The following BMPR1B variants were observed in gnomAD, a reference collection of about 807,000 sequenced individuals.
BMPR1B encodes the protein bone morphogenetic protein receptor type 1B, also known as bone morphogenetic protein receptor type-1B.
BMPR1B carries 12 observed loss-of-function variants against 59.1 expected under a neutral mutation model. That is an observed-to-expected ratio of 0.20 (90% CI 0.13 to 0.33). The LOEUF is 0.33. Among genes scored for constraint, BMPR1B ranks in the 10% least tolerant of loss-of-function variants. The probability of loss-of-function intolerance (pLI) is 1.00; values close to 1 mark genes in which losing one functional copy is unlikely to be tolerated. For synonymous variants in BMPR1B, 237 were observed against 207.3 expected, an observed-to-expected ratio of 1.14 and a Z score of -1.23; for missense variants, 550 against 610.9, an observed-to-expected ratio of 0.90 and a Z score of 1.05.
chr4:95,119,740 G>A (rs998690895), intron 6 of BMPR1B, among the ~76,000 whole-genome samples: 1 of 151,966 alleles, frequency 6.6e-6, no homozygotes, highest in African/African-American at 2.4e-5. Flanking sequence ...TTAATATTTT[G>A]CAACTATTAC....
intron 1 of BMPR1B, among the ~76,000 whole-genome samples, chr4:94,873,937 G>A (rs1035838490): frequency 6.6e-6 from 1 of 151,906 alleles, no homozygotes; most frequent in Admixed American, 6.6e-5. Flanking sequence ...TTTTCTTCAC[G>A]TCCCTGGCAG....
At chr4:94,873,809 C>T (rs1278077832) in intron 1 of BMPR1B, among the ~76,000 whole-genome samples, 2 of 152,144 alleles carry the variant, frequency 1.3e-5, no homozygotes, top group African/African-American at 2.4e-5. Context: ...ACTATCTTAA[C>T]CATTTTTAAG....
chr4:95,003,746 C>T (rs1722616844), intron 3 of BMPR1B, among the ~76,000 whole-genome samples: 2 of 146,574 alleles, frequency 1.4e-5, no homozygotes, highest in Non-Finnish European at 1.5e-5. Context: ...GATAACCTCA[C>T]ATAGCTAATC....
chr4:95,040,308 C>G (rs1010282795), intron 3 of BMPR1B, among the ~76,000 whole-genome samples: 1 of 152,154 alleles, frequency 6.6e-6, no homozygotes, highest in Non-Finnish European at 1.5e-5. Flanking sequence ...AAGAGTGATA[C>G]TTTAAATCCT....
intron 1 of BMPR1B, among the ~76,000 whole-genome samples, chr4:94,778,301 AC>A (rs964837622): frequency 6.6e-6 from 1 of 152,136 alleles, no homozygotes; most frequent in Non-Finnish European, 1.5e-5. Flanking sequence ...TGTATACCTA[AC>A]CAGCATATTT....
intron 2 of BMPR1B, among the ~76,000 whole-genome samples, chr4:94,966,492 A>G (rs1730560235): frequency 6.6e-6 from 1 of 152,216 alleles, no homozygotes; most frequent in Non-Finnish European, 1.5e-5. Flanking sequence ...TTTTTGCTAT[A>G]AGAAAAAGAC....
intron 1 of BMPR1B, among the ~76,000 whole-genome samples, chr4:94,784,100 GAC>G (rs1222552467): frequency 1.3e-5 from 2 of 152,262 alleles, no homozygotes; most frequent in East Asian, 3.9e-4. Flanking sequence ...AATTTCCAGA[GAC>G]TTTAAGTGTT....
intron 1 of BMPR1B, among the ~76,000 whole-genome samples, chr4:94,865,111 G>A (rs1397326447): frequency 1.3e-5 from 2 of 151,660 alleles, no homozygotes; most frequent in Non-Finnish European, 2.9e-5. Flanking sequence ...CTGGGTTCAA[G>A]CAATTCTCCT....
chr4:94,863,993 G>A (rs1726104096), intron 1 of BMPR1B, among the ~76,000 whole-genome samples: 1 of 152,176 alleles, frequency 6.6e-6, no homozygotes, highest in South Asian at 2.1e-4. Context: ...TGGTAATGGG[G>A]TTAAAAGTAA....
In BMPR1B at chr4:94,860,001, G is replaced by C. The variant is rs1725915700; in HGVS notation, c.-182-15830G>C. Among the ~76,000 whole-genome samples the C allele has an allele frequency of 6.6e-5, 10 of 152,082 alleles. No homozygotes were observed. The South Asian group carries it at 2.1e-3, about 32-fold the overall frequency. ...TTTCATCAGTGACTTATTAAAACTT[G>C]TCCATTTGATTAGAAATTCTCCTTC... On this transcript the variant is annotated intron_variant, in intron 1 of 12. Transcript: ENST00000515059.
At chr4:95,051,204 A>G (rs1428233710) in intron 3 of BMPR1B, among the ~76,000 whole-genome samples, 1 of 152,232 alleles carries the variant, frequency 6.6e-6, no homozygotes, top group Non-Finnish European at 1.5e-5. Flanking sequence ...TATTTTTGGC[A>G]TTTCACTAAG....
At chr4:95,026,853 TG>T (rs1724457215) in intron 3 of BMPR1B, among the ~76,000 whole-genome samples, 1 of 151,696 alleles carries the variant, frequency 6.6e-6, no homozygotes, top group African/African-American at 2.4e-5. Context: ...CTCAAAATTC[TG>T]GGTTCAAGAG....
At chr4:95,145,248 A>G (rs1168193736) in intron 10 of BMPR1B, among the ~76,000 whole-genome samples, 2 of 152,160 alleles carry the variant, frequency 1.3e-5, no homozygotes, top group Non-Finnish European at 2.9e-5. Flanking sequence ...TGATTTTATA[A>G]TCTGACTTCA....
At chr4:95,137,730 C>T (rs771761223) in intron 10 of BMPR1B, among the ~76,000 whole-genome samples, 1 of 152,020 alleles carries the variant, frequency 6.6e-6, no homozygotes, top group Non-Finnish European at 1.5e-5. Context: ...TATTGCAACC[C>T]CTGCTTTTTT....
intron 1 of BMPR1B, among the ~76,000 whole-genome samples, chr4:94,819,508 T>G (rs1480404474): frequency 1.3e-5 from 2 of 152,176 alleles, no homozygotes; most frequent in African/African-American, 4.8e-5. Context: ...TCAGACACTG[T>G]GGCGTAGCCA....
intron 10 of BMPR1B, among the ~76,000 whole-genome samples, chr4:95,132,929 A>C (rs764591717): frequency 6.6e-6 from 1 of 151,934 alleles, no homozygotes; most frequent in South Asian, 2.1e-4. Flanking sequence ...TTCTTGGTGT[A>C]TCTCTGTACT....
At chr4:94,821,077 G>A (rs1055264104) in intron 1 of BMPR1B, among the ~76,000 whole-genome samples, 1 of 152,146 alleles carries the variant, frequency 6.6e-6, no homozygotes, top group Non-Finnish European at 1.5e-5. Flanking sequence ...TAACACTTCA[G>A]AATTTCATGT....
intron 3 of BMPR1B, among the ~76,000 whole-genome samples, chr4:95,077,289 T>C (rs1728782484): frequency 6.6e-6 from 1 of 152,118 alleles, no homozygotes; most frequent in Non-Finnish European, 1.5e-5. Context: ...TAATGTGCAG[T>C]AGTGAGCATC....
intron 3 of BMPR1B, among the ~76,000 whole-genome samples, chr4:95,070,221 A>G (rs1055687313): frequency 2.5e-4 from 38 of 152,326 alleles, no homozygotes; most frequent in African/African-American, 8.2e-4. Context: ...TGTGCCGTCA[A>G]TCAGGTAAGA....
Sources: allele counts gnomAD v4.1 joint callset (sites outside exome capture counted in the v4.1 genomes callset), GRCh38; gene constraint gnomAD v4.1.1; transcripts MANE v1.5; gene names NCBI Gene and HGNC (gene_info 2026-07-23, HGNC 2026-07-21).